Variants in MME observed in about 807,000 individuals in gnomAD.
MME encodes the protein membrane metalloendopeptidase, also known as neprilysin.
Under a neutral mutation model 113.2 loss-of-function variants are expected in MME, and 98 were observed. The ratio of observed to expected loss-of-function variants is 0.87; its 90% CI spans 0.74 to 1.02. The LOEUF (loss-of-function observed/expected upper bound fraction) is 1.02, where lower values mean the gene tolerates loss of function less well. Among genes scored for constraint, MME ranks in the 50% least tolerant of loss-of-function variants. The probability of loss-of-function intolerance (pLI) is 0.00; values close to 1 mark genes in which losing one functional copy is unlikely to be tolerated. For synonymous variants in MME, 292 were observed against 300.6 expected, an observed-to-expected ratio of 0.97 and a Z score of 0.30; for missense variants, 836 against 896.0, an observed-to-expected ratio of 0.93 and a Z score of 0.86.
At chr3:155,137,418 T>G (rs759388598) in intron 8 of MME, among the ~76,000 whole-genome samples, 2 of 152,140 alleles carry the variant, frequency 1.3e-5, no homozygotes, top group African/African-American at 2.4e-5. Context: ...AAGAAATGTA[T>G]TATTATGGCT....
At chr3:155,159,081 T>C (rs1722522228) in intron 16 of MME, 1 of 152,104 alleles carries the variant, frequency 6.6e-6, no homozygotes, top group Admixed American at 6.6e-5. Flanking sequence ...AAACCCATTC[T>C]TAGAATTTAT....
chr3:155,063,186 ATATATATTATT>A, intron 1 of MME, among the ~76,000 whole-genome samples: 1 of 125,700 alleles, frequency 8.0e-6, no homozygotes, highest in East Asian at 2.1e-4. Flanking sequence ...ATACTTTGTA[ATATATATTATT>A]TATATATTAT....
intron 22 of MME, among the ~76,000 whole-genome samples, chr3:155,177,660 G>C (rs1194210190): frequency 6.6e-6 from 1 of 152,100 alleles, no homozygotes; most frequent in African/African-American, 2.4e-5. Context: ...ACTTCTCCTT[G>C]TACTCTCACA....
chr3:155,033,692 A>G (rs755533962), intron 1 of MME, among the ~76,000 whole-genome samples: 16 of 152,146 alleles, frequency 1.1e-4, no homozygotes, highest in Non-Finnish European at 1.8e-4. Context: ...TCAAGGCTGA[A>G]CTAGCAGATT....
chr3:155,031,603 C>T (rs1712973611), intron 1 of MME, among the ~76,000 whole-genome samples: 1 of 152,096 alleles, frequency 6.6e-6, no homozygotes, highest in African/African-American at 2.4e-5. Flanking sequence ...TGAAAAATAG[C>T]TCTCTAGGTT....
At chr3:155,072,109 C>T (rs1714585799) in intron 1 of MME, among the ~76,000 whole-genome samples, 1 of 135,302 alleles carries the variant, frequency 7.4e-6, no homozygotes, top group Non-Finnish European at 1.5e-5. Flanking sequence ...TGCAGTGAGC[C>T]GAGATTGCGC....
intron 3 of MME, among the ~76,000 whole-genome samples, chr3:155,092,602 C>T (rs1308563568): frequency 6.6e-6 from 1 of 151,970 alleles, no homozygotes; most frequent in African/African-American, 2.4e-5. Flanking sequence ...ATGGAAATAT[C>T]CCAAATATGT....
chr3:155,145,625 C>T (rs536529418), intron 14 of MME, among the ~76,000 whole-genome samples: 1 of 152,170 alleles, frequency 6.6e-6, no homozygotes, highest in East Asian at 1.9e-4. Flanking sequence ...ATTTCCCATC[C>T]TGGATATTTA....
chr3:155,111,846 T>C (rs1350637718), intron 3 of MME, among the ~76,000 whole-genome samples: 1 of 152,220 alleles, frequency 6.6e-6, no homozygotes, highest in East Asian at 1.9e-4. Context: ...TAAATGTTTT[T>C]AAGTATCTTA....
rs1718823368 is a variant in MME at position 155,118,635 on chromosome 3, A to G, written c.655-111A>G. On this transcript the variant is annotated intron_variant, in intron 7 of 22. Transcript: ENST00000360490. The stretch of plus-strand genomic sequence containing the variant: ...TTATTGAGTGTCTGATGGTCACCCC[A>G]TAAACAGCAAGAGTAGGATCTTTCA... 5 of 751,018 alleles carry G rather than the reference A, an allele frequency of 6.7e-6. No individual in the cohort carries two copies. The African/African-American group carries it at 7.0e-5, about 11-fold the overall frequency. The allele number at this position is 751,018 out of a possible 1,614,324, so 46.5% of individuals were successfully genotyped here.
intron 4 of MME, among the ~76,000 whole-genome samples, chr3:155,115,465 G>T (rs992154192): frequency 6.6e-6 from 1 of 152,252 alleles, no homozygotes; most frequent in East Asian, 1.9e-4. Context: ...TTTTGCTCTT[G>T]TCACCCAGGC....
intron 14 of MME, 113 bp downstream of exon 14, chr3:155,144,570 C>A: frequency 2.9e-6 from 2 of 700,996 alleles, no homozygotes; most frequent in South Asian, 1.7e-5. Flanking sequence ...AACTTGTAAG[C>A]TCCTTCAATA....
At chr3:155,158,065 C>T (rs772017624) in intron 16 of MME, among the ~76,000 whole-genome samples, 62 of 152,204 alleles carry the variant, frequency 4.1e-4, no homozygotes, top group Non-Finnish European at 7.9e-4. Context: ...ATATAAACTT[C>T]ATTCGTGTCC....
intron 8 of MME, among the ~76,000 whole-genome samples, chr3:155,131,817 A>T (rs1015999463): frequency 6.6e-6 from 1 of 152,164 alleles, no homozygotes; most frequent in Non-Finnish European, 1.5e-5. Flanking sequence ...GGAGGGAAGC[A>T]GGTCTCTCTG....
At chr3:155,049,444 G>A (rs9917790) in intron 1 of MME, among the ~76,000 whole-genome samples, 2,816 of 152,186 alleles carry the variant, frequency 0.019, 92 homozygotes, top group African/African-American at 0.065. Flanking sequence ...ACAGAAGAGA[G>A]GAAGTAGCTT....
At chr3:155,142,460 T>G (rs1721187108) in intron 12 of MME, 130 bp downstream of exon 12, 3 of 715,654 alleles carry the variant, frequency 4.2e-6, no homozygotes, top group Admixed American at 4.6e-5. Flanking sequence ...TTCGTTATCT[T>G]GCACATATTT....
rs531188392 is a variant in MME at position 155,125,118 on chromosome 3, G to A, written c.720+6307G>A. Among the ~76,000 whole-genome samples the A allele has an allele frequency of 3.2e-3, 273 of 84,568 alleles. 2 individuals are homozygous for A. Among genetic ancestry groups the A allele is most frequent in the African/African-American group, 9.7e-3 (252 of 25,996 alleles). 55.5% of individuals were successfully genotyped at this position (84,568 alleles called of 152,430 possible). On this transcript the variant is annotated intron_variant, in intron 8 of 22. Transcript: ENST00000360490. ...CGAGCCAGGTGTGGGATATAGTCTCGTGGTGCGCCGTTTTTAAGCCGGTCT... is the reference window on the plus strand; with the variant it reads ...CGAGCCAGGTGTGGGATATAGTCTCATGGTGCGCCGTTTTTAAGCCGGTCT...
intron 22 of MME, among the ~76,000 whole-genome samples, chr3:155,180,071 G>A (rs577659409): frequency 1.3e-5 from 2 of 152,226 alleles, no homozygotes; most frequent in East Asian, 1.9e-4. Context: ...ACAACCTTAA[G>A]ATGCATGTTC....
intron 1 of MME, among the ~76,000 whole-genome samples, chr3:155,038,998 C>T (rs936212855): frequency 1.3e-5 from 2 of 152,182 alleles, no homozygotes; most frequent in African/African-American, 4.8e-5. Context: ...AAAAGAACCT[C>T]ATTGTATGGC....
Sources: gnomAD v4.1 joint callset for allele counts (sites outside exome capture counted in the v4.1 genomes callset) on GRCh38, gnomAD v4.1.1 for gene constraint, MANE v1.5 for transcripts, NCBI Gene and HGNC (gene_info 2026-07-23, HGNC 2026-07-21) for gene names.